DLG2: variants seen among roughly 807,000 people sequenced by gnomAD.
DLG2 encodes discs large MAGUK scaffold protein 2, also known as disks large homolog 2.
A neutral mutation model predicts 132.5 loss-of-function variants in DLG2; 45 were observed. The observed-to-expected ratio is 0.34, with a 90% confidence interval of 0.27 to 0.44. DLG2 has a LOEUF of 0.44. DLG2 is among the 20% of genes least tolerant of loss of function. The pLI is 1.00. For synonymous variants in DLG2, 424 were observed against 419.6 expected, an observed-to-expected ratio of 1.01 and a Z score of -0.13; for missense variants, 1,045 against 1,196.9, an observed-to-expected ratio of 0.87 and a Z score of 1.87.
chr11:84,771,709 C>T (rs923643765), intron 6 of DLG2, among the ~76,000 whole-genome samples: 3 of 152,126 alleles, frequency 2.0e-5, no homozygotes, highest in Non-Finnish European at 4.4e-5. Context: ...ATATGGCACA[C>T]AGACCCTATA....
chr11:83,473,373 C>A (rs1401100456), intron 22 of DLG2, among the ~76,000 whole-genome samples: 4 of 152,010 alleles, frequency 2.6e-5, no homozygotes, highest in African/African-American at 9.7e-5. Flanking sequence ...CTAAACTGTG[C>A]GTTGAAACTT....
intron 21 of DLG2, among the ~76,000 whole-genome samples, chr11:83,515,440 G>C (rs1480993691): frequency 6.6e-6 from 1 of 152,030 alleles, no homozygotes; most frequent in Non-Finnish European, 1.5e-5. Flanking sequence ...TTTGCTAGTG[G>C]TCTATCGATT....
intron 7 of DLG2, among the ~76,000 whole-genome samples, chr11:84,444,705 C>A (rs557519094): frequency 1.3e-5 from 2 of 151,880 alleles, no homozygotes; most frequent in East Asian, 3.9e-4. Flanking sequence ...GTGATTCATC[C>A]TTTTCACTTG....
chr11:84,907,460 T>C (rs1225239846), intron 6 of DLG2, among the ~76,000 whole-genome samples: 5 of 152,136 alleles, frequency 3.3e-5, no homozygotes, highest in African/African-American at 9.7e-5. Context: ...AACTAATATT[T>C]ACTGCAGGCC....
At chr11:83,492,106 C>T (rs1468587040) in intron 21 of DLG2, among the ~76,000 whole-genome samples, 1 of 152,060 alleles carries the variant, frequency 6.6e-6, no homozygotes, top group Non-Finnish European at 1.5e-5. Flanking sequence ...AATATTTACT[C>T]TCTGGCCCGT....
intron 9 of DLG2, among the ~76,000 whole-genome samples, chr11:84,109,198 G>C (rs1293748296): frequency 1.3e-5 from 2 of 152,120 alleles, no homozygotes; most frequent in Non-Finnish European, 2.9e-5. Flanking sequence ...CCTACTTAAG[G>C]AAGTCAAGAT....
At chr11:84,277,114 T>C (rs542715182) in intron 7 of DLG2, among the ~76,000 whole-genome samples, 13 of 152,144 alleles carry the variant, frequency 8.5e-5, no homozygotes, top group Admixed American at 6.5e-4. Flanking sequence ...CAAGTAGAAA[T>C]AGATAAATCC....
chr11:83,930,295 C>T lies in DLG2; in HGVS notation c.1496+33G>A, dbSNP rs116279054. 1.1e-4 allele frequency: 174 copies of T among 1,608,992 alleles called. No homozygotes were observed. The African/African-American group carries it at 2.0e-3, about 18-fold the overall frequency. The stretch of plus-strand genomic sequence containing the variant: ...TATCCTTGTGGAAGCACATGCAGTT[C>T]GAGAAGATGAAGTGAGGAAGCGCAT... On this transcript the variant is annotated intron_variant, in intron 15 of 27. Coordinates refer to ENST00000376104, the MANE Select transcript of DLG2 (RefSeq NM_001142699.3).
chr11:83,523,728 A>C (rs1315931692), intron 21 of DLG2, among the ~76,000 whole-genome samples: 2 of 152,204 alleles, frequency 1.3e-5, no homozygotes, highest in Non-Finnish European at 2.9e-5. Context: ...TGGTTCTCCA[A>C]AGCAGTAAGC....
intron 6 of DLG2, among the ~76,000 whole-genome samples, chr11:84,602,327 G>GAA (rs142749931): frequency 0.086 from 12,698 of 147,062 alleles, 684 homozygotes; most frequent in Admixed American, 0.16. Context: ...TTCTACTGGT[G>GAA]AAAAAAAAAA....
chr11:84,569,616 A>G (rs1387461153), intron 6 of DLG2, among the ~76,000 whole-genome samples: 1 of 152,230 alleles, frequency 6.6e-6, no homozygotes, highest in African/African-American at 2.4e-5. Context: ...TAAAGTCTCA[A>G]CAGCAGACTT....
intron 6 of DLG2, among the ~76,000 whole-genome samples, chr11:84,889,950 T>C (rs1022324534): frequency 2.0e-5 from 3 of 152,210 alleles, no homozygotes; most frequent in South Asian, 2.1e-4. Context: ...ACATTTTCCA[T>C]TGTAATCTTG....
chr11:84,137,408 C>G (rs1285628008), intron 9 of DLG2, among the ~76,000 whole-genome samples: 1 of 151,968 alleles, frequency 6.6e-6, no homozygotes, highest in East Asian at 1.9e-4. Context: ...TGCTGGAGGG[C>G]ATAATTTTCA....
chr11:85,342,379 A>T (rs1438681965), intron 3 of DLG2, among the ~76,000 whole-genome samples: 1 of 152,032 alleles, frequency 6.6e-6, no homozygotes, highest in Non-Finnish European at 1.5e-5. Flanking sequence ...CTAGGCCTAT[A>T]TGAGGTCAGG....
chr11:84,184,250 T>A (rs1382041175), intron 8 of DLG2, among the ~76,000 whole-genome samples: 4 of 151,996 alleles, frequency 2.6e-5, no homozygotes, highest in African/African-American at 9.7e-5. Context: ...GTTTCCTGAC[T>A]TTTTAATGAT....
At chr11:85,229,730 G>C (rs2075186581) in intron 4 of DLG2, among the ~76,000 whole-genome samples, 1 of 152,072 alleles carries the variant, frequency 6.6e-6, no homozygotes, top group African/African-American at 2.4e-5. Context: ...CCAAAGACTT[G>C]GAACCAACCC....
At chr11:83,998,878 G>A (rs2094187768) in intron 11 of DLG2, among the ~76,000 whole-genome samples, 1 of 152,180 alleles carries the variant, frequency 6.6e-6, no homozygotes, top group South Asian at 2.1e-4. Flanking sequence ...CCATAAGGAA[G>A]GTGTGGGCTA....
intron 4 of DLG2, among the ~76,000 whole-genome samples, chr11:85,184,562 GT>G (rs1377950305): frequency 1.3e-5 from 2 of 151,774 alleles, no homozygotes; most frequent in African/African-American, 2.4e-5. Context: ...AGATATAACT[GT>G]TATTAGAACT....
chr11:84,343,883 T>C (rs1180546934), intron 7 of DLG2, among the ~76,000 whole-genome samples: 1 of 152,192 alleles, frequency 6.6e-6, no homozygotes, highest in Non-Finnish European at 1.5e-5. Flanking sequence ...TTCTTCCACA[T>C]GAAGTACTGA....
Sources: allele counts gnomAD v4.1 joint callset (sites outside exome capture counted in the v4.1 genomes callset), GRCh38; gene constraint gnomAD v4.1.1; transcripts MANE v1.5; gene names NCBI Gene and HGNC (gene_info 2026-07-23, HGNC 2026-07-21).